PRRT4: variants seen among roughly 807,000 people sequenced by gnomAD.
The protein encoded by PRRT4 is proline rich transmembrane protein 4.
PRRT4 carries 59 observed loss-of-function variants against 55.6 expected under a neutral mutation model. That is an observed-to-expected ratio of 1.06 (90% CI 0.86 to 1.32). PRRT4 has a LOEUF of 1.32. Among genes scored for constraint, PRRT4 ranks in the 40% most tolerant of loss-of-function variants. The pLI, the probability that PRRT4 is intolerant of heterozygous loss-of-function variation, is 0.00. For synonymous variants in PRRT4, 606 were observed against 601.8 expected (o/e 1.01, Z -0.10); for missense variants, 1,217 against 1,222.0 (o/e 1.00, Z 0.06).
At chr7:128,351,987 C>A in exon 5 of PRRT4, 1 of 1,304,230 alleles carries the variant, frequency 7.7e-7, no homozygotes, top group Non-Finnish European at 9.8e-7. Flanking sequence ...CGGCCCGCCG[C>A]CGCCGCCCGC....
At chr7:128,360,527 C>T (rs1584689814) in intron 1 of PRRT4, among the ~76,000 whole-genome samples, 2 of 152,190 alleles carry the variant, frequency 1.3e-5, no homozygotes, top group East Asian at 3.8e-4. Context: ...GAAGTGCTGG[C>T]GCCCTCACTC....
rs372351908 is a variant in PRRT4 at position 128,358,798 on chromosome 7, A to G, written c.760T>C (p.Phe254Leu). Residue 254 changes from phenylalanine to leucine, a missense_variant and splice_region_variant, in exon 4 of 5, where the codon TTC becomes CTC. Physicochemically the swap from Phe to Leu is conservative, Grantham distance 22. Around this residue, in one of 3 missense-constraint regions of PRRT4, gnomAD observed 564 missense variants for 592.9 expected, o/e 0.95. Coordinates refer to ENST00000535159, the Ensembl canonical transcript of PRRT4. The surrounding 1 kb of genome is among the most constrained non-coding windows in gnomAD (Gnocchi z 4.4). ...GGCAGGGACAGAGTGGTACCAAGGA[A>G]CCCTGCAAAGGGAGCACATGGGGCT... 3.2e-5 allele frequency: 50 copies of G among 1,539,984 alleles called. No individual in the cohort carries two copies. In the African/African-American group the frequency reaches 4.1e-4, roughly 13 times the overall value.
At chr7:128,351,445 G>A (rs1388974904) in exon 5 of PRRT4, 1 of 1,524,566 alleles carries the variant, frequency 6.6e-7, no homozygotes. Context: ...GGACGGGGCC[G>A]GGTTGGCCGC....
At chr7:128,351,178 C>G (rs1369022269) in exon 5 of PRRT4, 2 of 1,544,186 alleles carry the variant, frequency 1.3e-6, no homozygotes, top group East Asian at 2.4e-5. Flanking sequence ...GGGCCAAGCC[C>G]CAGGGGAGGG....
chr7:128,352,571 A>G (rs1797017424), exon 5 of PRRT4: 2 of 1,544,474 alleles, frequency 1.3e-6, no homozygotes, highest in African/African-American at 2.7e-5. Flanking sequence ...CGTTCAGGCA[A>G]TTCTCCCACG....
Position 128,350,984 on chromosome 7 carries a change from G to T in PRRT4, c.2572C>A (p.Pro858Thr), listed in dbSNP as rs1281094632. 2.6e-6 allele frequency: 4 copies of T among 1,550,888 alleles called. No individual in the cohort carries two copies. The African/African-American group carries it at 5.5e-5, about 21-fold the overall frequency. Residue 858 changes from proline (P) to threonine (T), a missense_variant, in exon 5 of 5, where the codon CCC becomes ACC. Physicochemically the swap from Pro to Thr is conservative, Grantham distance 38 (BLOSUM62 -1). Coordinates refer to ENST00000535159, the Ensembl canonical transcript of PRRT4. Reference sequence around the variant, plus strand: ...GCAGGCTCTGGGGAGTCGCGAGAGGGTGGGGACAGGGCCTGGTAGGATCCT... The same window carrying T: ...GCAGGCTCTGGGGAGTCGCGAGAGGTTGGGGACAGGGCCTGGTAGGATCCT...
At chr7:128,351,816 C>G in exon 5 of PRRT4, 19 of 1,415,918 alleles carry the variant, frequency 1.3e-5, no homozygotes, top group Non-Finnish European at 1.6e-5. Flanking sequence ...CCAGGGCGTG[C>G]AGCACCTCAT....
Position 128,359,874 on chromosome 7 carries a change from CG to C in PRRT4, c.117del (p.Val40TyrfsTer54). Reference sequence around the variant, plus strand: ...AGCATAGAGGCCTCACTTTGAGGTACGGGGGTCAAAGTGGTGGCAGGGGCAC... The same window carrying C: ...AGCATAGAGGCCTCACTTTGAGGTACGGGGTCAAAGTGGTGGCAGGGGCAC... On this transcript the variant is annotated frameshift_variant, in exon 2 of 5. Transcript: ENST00000535159. LOFTEE classifies it high-confidence loss of function. The C allele has an allele frequency of 7.0e-7, 1 of 1,422,398 alleles. No homozygotes were observed. Among genetic ancestry groups the C allele is most frequent in the South Asian group, 1.4e-5 (1 of 69,568 alleles). 88.1% of individuals were successfully genotyped at this position (1,422,398 alleles called of 1,614,324 possible). A position where few individuals can be genotyped will look rare whatever the true frequency, so the allele number is the denominator to read the frequency against.
Position 128,352,000 on chromosome 7 carries a change from C to T in PRRT4, c.1556G>A (p.Trp519Ter), listed in dbSNP as rs1007870251. ...CCCGGCCCGCCGCCGCCGCCCGCCC[C>T]AGCAGGAGAGCGCCAGCAGCAGCCC... Residue 519 changes from tryptophan to a stop codon, truncating the protein, a stop_gained, in exon 5 of 5, where the codon TGG (tryptophan) becomes TAG (stop). Coordinates refer to ENST00000535159, the Ensembl canonical transcript of PRRT4. LOFTEE classifies it high-confidence loss of function. 4 of 1,316,860 alleles carry T rather than the reference C, an allele frequency of 3.0e-6. No homozygotes were observed. The highest frequency in any genetic ancestry group is 2.9e-6 in the Non-Finnish European group (3 of 1,029,738). 81.6% of individuals were successfully genotyped at this position (1,316,860 alleles called of 1,614,324 possible). A position where few individuals can be genotyped will look rare whatever the true frequency, so the allele number is the denominator to read the frequency against.
At chr7:128,355,938 T>C (rs1797102647) in intron 4 of PRRT4, among the ~76,000 whole-genome samples, 1 of 152,128 alleles carries the variant, frequency 6.6e-6, no homozygotes, top group Non-Finnish European at 1.5e-5. Context: ...ATACCTAAGC[T>C]CCATGGCAAC....
chr7:128,350,449 C>G, downstream of PRRT4: 1 of 232,144 alleles, frequency 4.3e-6, no homozygotes, highest in South Asian at 6.0e-5. Context: ...CCCATTCACA[C>G]AGGGGTGGGA....
downstream of PRRT4, chr7:128,350,667 A>G: frequency 2.3e-6 from 2 of 858,400 alleles, no homozygotes; most frequent in Non-Finnish European, 1.7e-6. Flanking sequence ...GGCTCCAGAG[A>G]AGGTGGCACT....
rs901150233 is a variant in PRRT4, at chr7:128,351,686, G to A, written c.1870C>T (p.Leu624Phe). The change falls in exon 5 of 5, where the codon CTC becomes TTC. Residue 624 changes from leucine (L) to phenylalanine (F), a missense_variant. Leu to Phe is a conservative substitution (Grantham distance 22). Around this residue, in one of 3 missense-constraint regions of PRRT4, gnomAD observed 642 missense variants for 600.9 expected, o/e 1.07. Coordinates refer to ENST00000535159, the Ensembl canonical transcript of PRRT4. The stretch of plus-strand genomic sequence containing the variant: ...CGCGGCGGCACGCGAGGACTGCAGA[G>A]CGCCGGGTAGAGGCCCAGCAGCGCC... The A allele has an allele frequency of 9.9e-6, 15 of 1,509,072 alleles. No individual in the cohort carries two copies. In the East Asian group the frequency reaches 1.1e-4, roughly 11 times the overall value. The allele number at this position is 1,509,072 out of a possible 1,614,324, so 93.5% of individuals were successfully genotyped here. A position where few individuals can be genotyped will look rare whatever the true frequency, so the allele number is the denominator to read the frequency against.
rs1461305349 is a variant in PRRT4, at chr7:128,351,923, G to C, written c.1633C>G (p.Arg545Gly). ...GACTCCCGAGGGGCGAAGGGGCTGCGCCCCTGCGGCAGGGGTGTGGCGCCC... is the reference window on the plus strand; with the variant it reads ...GACTCCCGAGGGGCGAAGGGGCTGCCCCCCTGCGGCAGGGGTGTGGCGCCC... The change falls in exon 5 of 5, where the codon CGC becomes GGC. Residue 545 changes from arginine to glycine, a missense_variant. Arg to Gly is a moderately radical substitution (Grantham distance 125). Around this residue, in one of 3 missense-constraint regions of PRRT4, gnomAD observed 642 missense variants for 600.9 expected, o/e 1.07. Transcript: ENST00000535159. 3 of 1,303,194 alleles carry C rather than the reference G, an allele frequency of 2.3e-6. No individual in the cohort carries two copies. In the African/African-American group the frequency reaches 4.7e-5, roughly 20 times the overall value. The allele number at this position is 1,303,194 out of a possible 1,614,324, so 80.7% of individuals were successfully genotyped here.
At position 128,359,759 on chromosome 7, in the gene PRRT4, G is replaced by A. The variant is rs1165447863; in HGVS notation, c.233C>T (p.Ser78Phe). 1.3e-6 allele frequency: 2 copies of A among 1,549,952 alleles called. No homozygotes were observed. Among genetic ancestry groups the A allele is most frequent in the African/African-American group, 1.4e-5 (1 of 73,014 alleles). Reference sequence around the variant, plus strand: ...CCCTGGCTCCTGGCCTGGCCCAAGAGAGAGTGGCTGGGTCTCTGTGACTGG... The same window carrying A: ...CCCTGGCTCCTGGCCTGGCCCAAGAAAGAGTGGCTGGGTCTCTGTGACTGG... The change falls in exon 2 of 5, where the codon TCT becomes TTT. Residue 78 changes from serine to phenylalanine, a missense_variant. By Grantham distance (155) the Ser-to-Phe change is radical (BLOSUM62 -2). Coordinates refer to ENST00000535159, the Ensembl canonical transcript of PRRT4.
At position 128,358,330 on chromosome 7, in the gene PRRT4, T is replaced by C. The variant is rs1373633636; in HGVS notation, c.877+351A>G. Among the ~76,000 whole-genome samples the C allele has an allele frequency of 1.3e-5, 2 of 152,126 alleles. No individual in the cohort carries two copies. Among genetic ancestry groups the C allele is most frequent in the Admixed American group, 1.3e-4 (2 of 15,268 alleles). On this transcript the variant is annotated intron_variant, in intron 4 of 4. Transcript: ENST00000535159. This position sits in a 1 kb window ranked among gnomAD's most constrained non-coding sequence, Gnocchi z 4.4. ...ATGGCAAAGGAAAGAGCCCCAAGGT[T>C]GGTGGGGAGTCAGGTCAGGCAGACT...
chr7:128,350,720 G>A (rs927663962), downstream of PRRT4: 1 of 1,395,646 alleles, frequency 7.2e-7, no homozygotes, highest in Non-Finnish European at 9.5e-7. Context: ...CACCCACCCA[G>A]GGACCCCTGG....
At chr7:128,352,428 C>G (rs1048156437) in exon 5 of PRRT4, 6 of 1,537,458 alleles carry the variant, frequency 3.9e-6, no homozygotes, top group Non-Finnish European at 5.2e-6. Context: ...GCAAGGCAAC[C>G]AGGCCGAAGA....
chr7:128,351,203 C>T, exon 5 of PRRT4: 1 of 1,541,130 alleles, frequency 6.5e-7, no homozygotes, highest in Non-Finnish European at 8.7e-7. Flanking sequence ...TCCGGGGGCG[C>T]AGCGGGGCCA....
Sources: gnomAD v4.1 joint callset for allele counts (sites outside exome capture counted in the v4.1 genomes callset) on GRCh38, gnomAD v4.1.1 for gene constraint, gnomAD v4.1.1 regional missense constraint, Gnocchi (gnomAD v3.1) non-coding constraint, MANE v1.5 for transcripts, NCBI Gene and HGNC (gene_info 2026-07-23, HGNC 2026-07-21) for gene names.